Variants in LONP1 observed in about 807,000 individuals in gnomAD.
The protein encoded by LONP1 is lon protease homolog, mitochondrial.
A neutral mutation model predicts 98.5 loss-of-function variants in LONP1; 31 were observed. The observed-to-expected ratio is 0.31, with a 90% CI of 0.24 to 0.42. The LOEUF (loss-of-function observed/expected upper bound fraction) is 0.42. Ranked by LOEUF, LONP1 falls within the 20% of genes least tolerant of loss-of-function variation. The probability of loss-of-function intolerance (pLI) is 1.00; values close to 1 mark genes in which losing one functional copy is unlikely to be tolerated. For missense variants in LONP1, 1,336 were observed against 1,350.6 expected, an observed-to-expected ratio of 0.99 and a Z score of 0.17; for synonymous variants, 781 against 594.7, an observed-to-expected ratio of 1.31 and a Z score of -4.56.
chr19:5,694,659 A>ATGGGCGCGGGGTGGTGGGGTGG, intron 14 of LONP1, 102 bp downstream of exon 14: 1 of 1,563,328 alleles, frequency 6.4e-7, no homozygotes, highest in Non-Finnish European at 8.7e-7. Context: ...TGGTGGGGTG[A>ATGGGCGCGGGGTGGTGGGGTGG]TGGGCGCAGG....
rs200031305 is a variant in LONP1 at position 5,694,916 on chromosome 19, G to T, written c.2014-15C>A. ...ACCAGGTAGCGCTGCAAGGGCAACC[G>T]TCAGGGTTGGGTCTGGAGGGACCTT... On this transcript the variant is annotated splice_polypyrimidine_tract_variant and intron_variant, in intron 13 of 17. Transcript: ENST00000360614. 3.1e-6 allele frequency: 5 copies of T among 1,587,514 alleles called. No individual in the cohort carries two copies. In the South Asian group the frequency reaches 4.4e-5, roughly 14 times the overall value.
rs1167099855 is a variant in LONP1, at chr19:5,693,425, G to A, written c.2576C>T (p.Thr859Ile). Residue 859 changes from threonine to isoleucine, a missense_variant, in exon 17 of 18, where the codon ACC becomes ATC. Transcript: ENST00000360614. Reference protein sequence around the residue: ...TPKDGPSAGCTIVTALLSLAM... With the variant: ...TPKDGPSAGCIIVTALLSLAM... ...CAGGGACAGCAGGGCCGTGACGATGGTGCAGCCTGCGCTTGGGCCGTCCTT... is the reference window on the plus strand; with the variant it reads ...CAGGGACAGCAGGGCCGTGACGATGATGCAGCCTGCGCTTGGGCCGTCCTT... 1 of 1,612,466 alleles carries A rather than the reference G, an allele frequency of 6.2e-7. No homozygotes were observed. Among genetic ancestry groups the A allele is most frequent in the Non-Finnish European group, 8.5e-7 (1 of 1,179,256 alleles).
At position 5,705,956 on chromosome 19, in the gene LONP1, G is replaced by A; in HGVS notation, c.1183C>T (p.Leu395=). The change falls in exon 8 of 18, where the codon CTG becomes TTG. Residue 395 remains leucine, a synonymous_variant. Coordinates refer to ENST00000360614, the MANE Select transcript of LONP1 (RefSeq NM_004793.4). ...ATGATCTTTAGCTGCTCCTGCAGCA[G>A]GTACTTACGGTGGGTCTGCTTGATC... The part of the protein sequence containing the change: ...EKIKQTHRKY[L]LQEQLKIIKK... The A allele has an allele frequency of 6.2e-7, 1 of 1,613,586 alleles. No individual in the cohort carries two copies. The highest frequency in any genetic ancestry group is 1.7e-5 in the Admixed American group (1 of 60,030).
At chr19:5,716,354 A>G (rs537605037) in intron 1 of LONP1, among the ~76,000 whole-genome samples, 82 of 142,554 alleles carry the variant, frequency 5.8e-4, no homozygotes, top group Admixed American at 5.1e-3. Context: ...GACTTTAAGC[A>G]GCTCACTGCT....
At chr19:5,709,741 C>G (rs2055206200) in intron 4 of LONP1, among the ~76,000 whole-genome samples, 1 of 151,670 alleles carries the variant, frequency 6.6e-6, no homozygotes, top group East Asian at 2.0e-4. Context: ...AACCCCGTCT[C>G]TACTAAAAAA....
At chr19:5,704,959 G>C (rs1383830193) in intron 8 of LONP1, among the ~76,000 whole-genome samples, 1 of 152,168 alleles carries the variant, frequency 6.6e-6, no homozygotes, top group Admixed American at 6.5e-5. Flanking sequence ...TCAGGAGTTT[G>C]AGACCAACCT....
chr19:5,692,044 G>GGCCAGCGCCTCTGCCT lies in LONP1; in HGVS notation c.2852_2867dup (p.Val957GlyfsTer28). The GGCCAGCGCCTCTGCCT allele has an allele frequency of 6.6e-7, 1 of 1,518,042 alleles. No individual in the cohort carries two copies. The highest frequency in any genetic ancestry group is 9.0e-7 in the Non-Finnish European group (1 of 1,114,672). 94.0% of individuals were successfully genotyped at this position (1,518,042 alleles called of 1,614,324 possible). On this transcript the variant is annotated frameshift_variant, in exon 18 of 18. Coordinates refer to ENST00000360614, the MANE Select transcript of LONP1 (RefSeq NM_004793.4). LOFTEE classifies it high-confidence loss of function. Reference sequence around the variant, plus strand: ...CCCGGGGTGGCCGTCACCGTTCCACGGCCAGCGCCTCTGCCTGCTCGTCCG... The same window carrying GGCCAGCGCCTCTGCCT: ...CCCGGGGTGGCCGTCACCGTTCCACGGCCAGCGCCTCTGCCTGCCAGCGCCTCTGCCTGCTCGTCCG...
Position 5,719,690 on chromosome 19 carries a change from G to A in LONP1, c.429+14C>T. On this transcript the variant is annotated intron_variant, in intron 1 of 17. Transcript: ENST00000360614. Reference sequence around the variant, plus strand: ...AGGTGGGAAACCTGAGGCCGAGGCGGGGACTCCCATTACCTCGATAATCTT... The same window carrying A: ...AGGTGGGAAACCTGAGGCCGAGGCGAGGACTCCCATTACCTCGATAATCTT... 1 of 1,613,664 alleles carries A rather than the reference G, an allele frequency of 6.2e-7. No individual in the cohort carries two copies. Among genetic ancestry groups the A allele is most frequent in the Non-Finnish European group, 8.5e-7 (1 of 1,180,006 alleles).
chr19:5,697,214 G>A (rs991642568), intron 10 of LONP1, among the ~76,000 whole-genome samples: 6 of 152,114 alleles, frequency 3.9e-5, no homozygotes, highest in African/African-American at 1.4e-4. Flanking sequence ...AAGAATCCCA[G>A]GCCCCACGAG....
intron 4 of LONP1, 65 bp from the exon 5 acceptor site, chr19:5,708,468 G>GGGGGT: frequency 1.8e-6 from 1 of 551,268 alleles, no homozygotes; most frequent in Non-Finnish European, 3.4e-6. Flanking sequence ...GGCTGGGTGG[G>GGGGGT]AGCATGGCCC....
intron 1 of LONP1, among the ~76,000 whole-genome samples, chr19:5,714,752 G>C (rs1164627497): frequency 2.0e-5 from 3 of 150,464 alleles, no homozygotes; most frequent in African/African-American, 4.9e-5. Flanking sequence ...TGAGTAGCTG[G>C]GATTACAGGC....
chr19:5,696,815 A>G (rs1483609958), intron 10 of LONP1, 58 bp from the exon 11 acceptor site: 9 of 1,194,422 alleles, frequency 7.5e-6, no homozygotes, highest in Non-Finnish European at 1.1e-5. Context: ...CCACAACGAC[A>G]CCATGCACCC....
chr19:5,719,962 T>G lies in LONP1; in HGVS notation c.171A>C (p.Arg57=). 6.4e-7 allele frequency: 1 copy of G among 1,574,020 alleles called. No homozygotes were observed. Residue 57 remains arginine (R), a synonymous_variant, in exon 1 of 18, where the codon CGA becomes CGC. Transcript: ENST00000360614. ...DASPPWALWG[R]GPAIGGQWRG... ...GCCATTGGCCCCCAATTGCCGGGCC[T>G]CGGCCCCACAGTGCCCAAGGAGGAG... is the stretch of plus-strand genomic sequence containing the variant.
chr19:5,715,487 C>CA (rs1432817624), intron 1 of LONP1, among the ~76,000 whole-genome samples: 32 of 150,536 alleles, frequency 2.1e-4, no homozygotes, highest in African/African-American at 7.6e-4. Context: ...ACTAAAAATA[C>CA]AAAAATTAGC....
Position 5,720,108 on chromosome 19 carries a change from G to A in LONP1, c.25C>T (p.Arg9Ter). 1.4e-6 allele frequency: 2 copies of A among 1,452,894 alleles called. No individual in the cohort carries two copies. The highest frequency in any genetic ancestry group is 1.4e-5 in the South Asian group (1 of 73,102). 90.0% of individuals were successfully genotyped at this position (1,452,894 alleles called of 1,614,324 possible). The change falls in exon 1 of 18, where the codon CGA becomes TGA. Residue 9 changes from arginine (R) to a stop codon, truncating the protein, a stop_gained. Coordinates refer to ENST00000360614, the MANE Select transcript of LONP1 (RefSeq NM_004793.4). LOFTEE classifies it high-confidence loss of function. ...CAGCACCGCGCCGCTCCCCACAGTC[G>A]CACGTAGCCAGTGCTCGCCGCCATA... MAASTGYV[R>*]LWGAARCWVL...
chr19:5,699,083 C>G lies in LONP1; in HGVS notation c.1629G>C (p.Glu543Asp). 1 of 1,608,442 alleles carries G rather than the reference C, an allele frequency of 6.2e-7. No individual in the cohort carries two copies. Among genetic ancestry groups the G allele is most frequent in the Non-Finnish European group, 8.5e-7 (1 of 1,176,738 alleles). Reference sequence around the variant, plus strand: ...TGCCCCCGACGCTGAAGCGGAAGTACTCTCGGTTCAGGGCGCGGGCGATGG... The same window carrying G: ...TGCCCCCGACGCTGAAGCGGAAGTAGTCTCGGTTCAGGGCGCGGGCGATGG... Reference protein sequence around the residue: ...ARSIARALNREYFRFSVGGMT... With the variant: ...ARSIARALNRDYFRFSVGGMT... Residue 543 changes from glutamate (E) to aspartate (D), a missense_variant, in exon 10 of 18, where the codon GAG becomes GAC. By Grantham distance (45) the Glu-to-Asp change is conservative. Around this residue, in one of 5 missense-constraint regions of LONP1, gnomAD observed 219 missense variants for 241.0 expected, o/e 0.91. Transcript: ENST00000360614.
intron 14 of LONP1, 45 bp from the exon 15 acceptor site, chr19:5,694,597 C>G: frequency 2.0e-6 from 3 of 1,535,754 alleles, no homozygotes; most frequent in Non-Finnish European, 2.7e-6. Context: ...GGTGGGGTGA[C>G]AGGTGCGGGG....
At chr19:5,708,468 G>GGGGGGGGGGGGGGGGGGC in intron 4 of LONP1, 65 bp from the exon 5 acceptor site, 1 of 551,264 alleles carries the variant, frequency 1.8e-6, no homozygotes, top group East Asian at 4.7e-5. Context: ...GGCTGGGTGG[G>GGGGGGGGGGGGGGGGGGC]AGCATGGCCC....
chr19:5,703,180 C>CAAAAAA (rs35471644), intron 8 of LONP1, among the ~76,000 whole-genome samples: 4 of 77,100 alleles, frequency 5.2e-5, no homozygotes, highest in Non-Finnish European at 7.7e-5. Context: ...GACTCCATCT[C>CAAAAAA]AAAAAAAAAA....
Sources: allele counts gnomAD v4.1 joint callset (sites outside exome capture counted in the v4.1 genomes callset), GRCh38; gene constraint gnomAD v4.1.1; regional missense constraint gnomAD v4.1.1; transcripts MANE v1.5; gene names NCBI Gene and HGNC (gene_info 2026-07-23, HGNC 2026-07-21).